Variants in MTERF4 observed in about 807,000 individuals in gnomAD.
MTERF4 encodes the protein mitochondrial transcription termination factor 4, also known as transcription termination factor 4, mitochondrial.
A neutral mutation model predicts 22.5 loss-of-function variants in MTERF4; 17 were observed. The observed-to-expected ratio is 0.75, with a 90% CI of 0.52 to 1.13. MTERF4 has a LOEUF of 1.13. Ranked by LOEUF, MTERF4 falls within the 50% of genes most tolerant of loss-of-function variation. MTERF4 has a pLI of 0.00. For synonymous variants in MTERF4, 165 were observed against 175.3 expected, an observed-to-expected ratio of 0.94 and a Z score of 0.47; for missense variants, 420 against 466.8, an observed-to-expected ratio of 0.90 and a Z score of 0.92.
downstream of MTERF4, among the ~76,000 whole-genome samples, chr2:241,071,173 G>A (rs368927974): frequency 1.4e-4 from 21 of 152,256 alleles, 1 homozygote; most frequent in East Asian, 9.7e-4. Context: ...CTGGGGTGGG[G>A]ACTCCCAGCT....
chr2:241,071,526 G>A, downstream of MTERF4: 1 of 1,551,814 alleles, frequency 6.4e-7, no homozygotes, highest in Admixed American at 1.9e-5. Flanking sequence ...GGCAGGGACA[G>A]GAGCAGAGGG....
downstream of MTERF4, among the ~76,000 whole-genome samples, chr2:241,071,252 G>A (rs1018742108): frequency 6.6e-5 from 10 of 152,196 alleles, no homozygotes; most frequent in African/African-American, 2.2e-4. Context: ...ACCTGAGTCC[G>A]AGCCCGAGTG....
chr2:241,053,179 G>A, the MTERF4 span: 2 of 1,611,082 alleles, frequency 1.2e-6, no homozygotes, highest in East Asian at 2.2e-5. Context: ...CCCGGAGGAG[G>A]TGAAGCACGC....
At chr2:241,072,082 G>A (rs1013590077), downstream of MTERF4, 24 of 701,790 alleles carry the variant, frequency 3.4e-5, no homozygotes, top group African/African-American at 1.2e-4. Context: ...GGGGCAGCTC[G>A]TGAGGGCCTC....
At chr2:241,058,355 TAATTA>T in the MTERF4 span, among the ~76,000 whole-genome samples, 2 of 152,074 alleles carry the variant, frequency 1.3e-5, no homozygotes, top group Non-Finnish European at 2.9e-5. Context: ...CAAACTTGAT[TAATTA>T]AATGTCTGAC....
At chr2:241,052,263 A>T in the MTERF4 span, 2 of 1,432,082 alleles carry the variant, frequency 1.4e-6, no homozygotes, top group African/African-American at 2.8e-5. Flanking sequence ...GAGGCGCAGG[A>T]GGTGGAGCTG....
exon 5 of MTERF4, chr2:241,072,647 G>A (rs963868363): frequency 3.1e-5 from 7 of 225,026 alleles, no homozygotes; most frequent in East Asian, 2.6e-4. Context: ...GGTCCCTGCC[G>A]CACGGTGAGC....
the MTERF4 span, chr2:241,048,993 T>C: frequency 6.4e-7 from 1 of 1,567,802 alleles, no homozygotes; most frequent in South Asian, 1.1e-5. Context: ...ATGTGGAATA[T>C]GGGATGGGGC....
the MTERF4 span, among the ~76,000 whole-genome samples, chr2:241,046,728 G>T: frequency 6.6e-6 from 1 of 152,080 alleles, no homozygotes; most frequent in Non-Finnish European, 1.5e-5. Flanking sequence ...CTGTGGTGGG[G>T]GTTAAACAAA....
chr2:241,063,195 C>G, the MTERF4 span, among the ~76,000 whole-genome samples: 1 of 152,224 alleles, frequency 6.6e-6, no homozygotes, highest in Non-Finnish European at 1.5e-5. Context: ...CTGGTCGGTG[C>G]TTCCAGCCAG....
the MTERF4 span, among the ~76,000 whole-genome samples, chr2:241,057,935 CAGA>C: frequency 1.3e-5 from 2 of 151,982 alleles, no homozygotes; most frequent in African/African-American, 4.8e-5. Flanking sequence ...AAAAAGTAAT[CAGA>C]AGAACATGGC....
At position 241,073,355 on chromosome 2, in the gene MTERF4, G is replaced by A. The variant is rs748131977; in HGVS notation, n.2807C>T. ...CCAGCTCCCTGAACACGGCAGCAAGGACATCGGAAGTGAGTCAGCAGCGCT... is the reference window on the plus strand; with the variant it reads ...CCAGCTCCCTGAACACGGCAGCAAGAACATCGGAAGTGAGTCAGCAGCGCT... On this transcript the variant is annotated non_coding_transcript_exon_variant, in exon 5 of 5. Transcript: ENST00000464344. The surrounding 1 kb of genome is among the most constrained non-coding windows in gnomAD (Gnocchi z 6.6). The A allele has an allele frequency of 6.4e-7, 1 of 1,568,988 alleles. No homozygotes were observed. Among genetic ancestry groups the A allele is most frequent in the South Asian group, 1.2e-5 (1 of 85,002 alleles).
the MTERF4 span, among the ~76,000 whole-genome samples, chr2:241,061,281 A>T: frequency 6.6e-6 from 1 of 152,244 alleles, no homozygotes; most frequent in Non-Finnish European, 1.5e-5. Flanking sequence ...ATTCTATTTC[A>T]TTAGTAATCA....
rs2125255057 is a variant in MTERF4 at position 241,073,516 on chromosome 2, G to A, written n.2646C>T. The A allele has an allele frequency of 1.4e-6, 1 of 693,860 alleles. No homozygotes were observed. The highest frequency in any genetic ancestry group is 2.7e-5 in the East Asian group (1 of 36,764). 43.0% of individuals were successfully genotyped at this position (693,860 alleles called of 1,614,324 possible). On this transcript the variant is annotated non_coding_transcript_exon_variant, in exon 5 of 5. Transcript: ENST00000464344. This position sits in a 1 kb window ranked among gnomAD's most constrained non-coding sequence, Gnocchi z 6.6. Reference sequence around the variant, plus strand: ...CTGAGCACCAGGCACCCCGGTGTGGGAAGATGGGGTGAAGCTACACCACCC... The same window carrying A: ...CTGAGCACCAGGCACCCCGGTGTGGAAAGATGGGGTGAAGCTACACCACCC...
At chr2:241,055,840 G>A in the MTERF4 span, among the ~76,000 whole-genome samples, 2 of 152,204 alleles carry the variant, frequency 1.3e-5, no homozygotes, top group Admixed American at 6.5e-5. Context: ...GGAGGGAGAG[G>A]CCTGTCCAAA....
chr2:241,054,175 C>A, the MTERF4 span, among the ~76,000 whole-genome samples: 10 of 152,276 alleles, frequency 6.6e-5, no homozygotes, highest in South Asian at 2.1e-4. Context: ...GATGACCCCC[C>A]CTCCCAATGC....
At chr2:241,059,343 T>C in the MTERF4 span, among the ~76,000 whole-genome samples, 1 of 152,234 alleles carries the variant, frequency 6.6e-6, no homozygotes, top group African/African-American at 2.4e-5. Flanking sequence ...GTACAACCTC[T>C]TTTAGAAAGA....
At chr2:241,051,878 A>T in the MTERF4 span, 1 of 1,522,654 alleles carries the variant, frequency 6.6e-7, no homozygotes, top group Non-Finnish European at 8.9e-7. This position sits in a 1 kb window ranked among gnomAD's most constrained non-coding sequence, Gnocchi z 4.7. Flanking sequence ...CCCCAGGGGC[A>T]GGGGGGAGGG....
the MTERF4 span, chr2:241,065,600 G>T: frequency 6.2e-7 from 1 of 1,609,944 alleles, no homozygotes; most frequent in Non-Finnish European, 8.5e-7. Flanking sequence ...GCACGCGTGA[G>T]TGTCCCCGAG....
Sources: gnomAD v4.1 joint callset for allele counts (sites outside exome capture counted in the v4.1 genomes callset) on GRCh38, gnomAD v4.1.1 for gene constraint, Gnocchi (gnomAD v3.1) non-coding constraint, MANE v1.5 for transcripts, NCBI Gene and HGNC (gene_info 2026-07-23, HGNC 2026-07-21) for gene names.